Variants in KDM5B observed in about 807,000 individuals in gnomAD.
The protein encoded by KDM5B is lysine demethylase 5B, also known as lysine-specific demethylase 5B.
Under a neutral mutation model 193.4 loss-of-function variants are expected in KDM5B, and 144 were observed. The ratio of observed to expected loss-of-function variants is 0.74; its 90% CI spans 0.65 to 0.86. The LOEUF is 0.86. KDM5B is among the 40% of genes least tolerant of loss of function. The pLI is 0.00. For missense variants in KDM5B, 1,833 were observed against 1,886.9 expected (o/e 0.97, Z 0.53); for synonymous variants, 668 against 682.6 (o/e 0.98, Z 0.33).
chr1:202,734,421 A>T (rs1209582949), intron 22 of KDM5B, among the ~76,000 whole-genome samples: 1 of 152,136 alleles, frequency 6.6e-6, no homozygotes, highest in Admixed American at 6.6e-5. Context: ...TTATATGATA[A>T]CAAGGTAACT....
chr1:202,806,473 A>AT (rs1658297842), intron 1 of KDM5B: 1 of 152,252 alleles, frequency 6.6e-6, no homozygotes, highest in South Asian at 2.1e-4. Context: ...TCTTTGCACT[A>AT]AGAGAAACGT....
At chr1:202,768,646 T>C (rs961087797) in intron 4 of KDM5B, among the ~76,000 whole-genome samples, 1 of 152,012 alleles carries the variant, frequency 6.6e-6, no homozygotes, top group Admixed American at 6.6e-5. Flanking sequence ...AATAGCGCTC[T>C]ATAAATATTA....
rs1178930878 is a variant in KDM5B at position 202,746,245 on chromosome 1, A to G, written c.2095T>C (p.Cys699Arg). 2 of 1,613,730 alleles carry G rather than the reference A, an allele frequency of 1.2e-6. No individual in the cohort carries two copies. Among genetic ancestry groups the G allele is most frequent in the Non-Finnish European group, 8.5e-7 (1 of 1,179,740 alleles). ...GAACAGGAGATGGCAGACATGAAGC[A>G]TGTAGTTTTGCATTTTACACACTGA... ...ERQCVKCKTT[C>R]FMSAISCSCK... The change falls in exon 15 of 27, where the codon TGC becomes CGC. Residue 699 changes from cysteine (C) to arginine (R), a missense_variant. Transcript: ENST00000367265.
chr1:202,765,921 T>A (rs1166723621), intron 5 of KDM5B, among the ~76,000 whole-genome samples: 8 of 152,170 alleles, frequency 5.3e-5, no homozygotes, highest in Non-Finnish European at 1.2e-4. Flanking sequence ...ATACCTCTGG[T>A]ATGGGAACGA....
chr1:202,735,914 C>A (rs548891342), intron 21 of KDM5B, among the ~76,000 whole-genome samples: 1 of 152,220 alleles, frequency 6.6e-6, no homozygotes, highest in Non-Finnish European at 1.5e-5. Flanking sequence ...GATCATTTAT[C>A]AGGCTTACTA....
At chr1:202,776,260 TA>T (rs1656951350) in intron 2 of KDM5B, 1 of 151,820 alleles carries the variant, frequency 6.6e-6, no homozygotes, top group African/African-American at 2.4e-5. Context: ...TTGACTTTTT[TA>T]AAAAATTTAA....
chr1:202,753,664 G>GT (rs771281999), intron 11 of KDM5B, among the ~76,000 whole-genome samples: 12,787 of 105,650 alleles, frequency 0.12, 1,082 homozygotes, highest in Middle Eastern at 0.19. Flanking sequence ...TGTTGTTGTT[G>GT]TTTTTTTTTT....
Position 202,741,481 on chromosome 1 carries a change from A to G in KDM5B, c.2831T>C (p.Leu944Pro). 1 of 1,614,152 alleles carries G rather than the reference A, an allele frequency of 6.2e-7. No individual in the cohort carries two copies. The highest frequency in any genetic ancestry group is 8.5e-7 in the Non-Finnish European group (1 of 1,179,974). Residue 944 changes from leucine to proline, a missense_variant, in exon 19 of 27, where the codon CTA becomes CCA. By Grantham distance (98) the Leu-to-Pro change is moderately conservative (BLOSUM62 -3). Around this residue, in one of 3 missense-constraint regions of KDM5B, gnomAD observed 1,379 missense variants for 1,349.6 expected, o/e 1.02. Coordinates refer to ENST00000367265, the MANE Select transcript of KDM5B (RefSeq NM_006618.5). ...TLDDMRRLID[L>P]GVGLAPYSAV... is the part of the protein sequence containing the mutation. ...TGAATACGGGGCCAGCCCTACCCCT[A>G]GGTCTATGAGACGTCTCATATCATC...
chr1:202,734,880 G>A (rs374844106), intron 22 of KDM5B, among the ~76,000 whole-genome samples: 5 of 152,210 alleles, frequency 3.3e-5, no homozygotes, highest in South Asian at 4.1e-4. Context: ...ACTCTAGAAC[G>A]GGCAATGCTT....
intron 1 of KDM5B, among the ~76,000 whole-genome samples, chr1:202,803,562 G>A (rs536483306): frequency 3.3e-5 from 5 of 151,786 alleles, no homozygotes; most frequent in East Asian, 2.0e-4. Flanking sequence ...GGTGGCTCAC[G>A]TCTGTAATCC....
At chr1:202,784,631 T>G (rs1383874106) in intron 1 of KDM5B, among the ~76,000 whole-genome samples, 1 of 152,070 alleles carries the variant, frequency 6.6e-6, no homozygotes, top group Non-Finnish European at 1.5e-5. Flanking sequence ...CATTATAAAC[T>G]CCTATAAAAG....
intron 1 of KDM5B, among the ~76,000 whole-genome samples, chr1:202,783,749 C>A (rs1345994994): frequency 2.0e-5 from 3 of 151,904 alleles, no homozygotes; most frequent in Non-Finnish European, 4.4e-5. Flanking sequence ...GGCGTGGTGG[C>A]GGGCGCCTGT....
chr1:202,741,542 G>GCA lies in KDM5B; in HGVS notation c.2768_2769dup (p.Gln924CysfsTer6). 1 of 1,614,216 alleles carries GCA rather than the reference G, an allele frequency of 6.2e-7. No homozygotes were observed. The highest frequency in any genetic ancestry group is 8.5e-7 in the Non-Finnish European group (1 of 1,180,036). On this transcript the variant is annotated frameshift_variant, in exon 19 of 27. Coordinates refer to ENST00000367265, the MANE Select transcript of KDM5B (RefSeq NM_006618.5). LOFTEE classifies it high-confidence loss of function. ...GAGCTGGGGTCTAGGCAAGCTTGCT[G>GCA]CACCTCTTCTAGCCAACGGGCTTGT...
intron 1 of KDM5B, among the ~76,000 whole-genome samples, chr1:202,802,955 C>T (rs533331104): frequency 6.6e-6 from 1 of 152,140 alleles, no homozygotes; most frequent in Non-Finnish European, 1.5e-5. Flanking sequence ...TGCCTGTAAT[C>T]CCAGCACTTT....
At chr1:202,732,442 A>G (rs886350913) in intron 23 of KDM5B, among the ~76,000 whole-genome samples, 7 of 152,194 alleles carry the variant, frequency 4.6e-5, no homozygotes, top group Non-Finnish European at 1.0e-4. Flanking sequence ...CTTTACTAAG[A>G]AAGGTAAACT....
intron 1 of KDM5B, among the ~76,000 whole-genome samples, chr1:202,791,927 C>T (rs1657657497): frequency 6.6e-6 from 1 of 152,090 alleles, no homozygotes; most frequent in African/African-American, 2.4e-5. Flanking sequence ...CCATATTGGC[C>T]ATGCTGGTCT....
intron 1 of KDM5B, among the ~76,000 whole-genome samples, chr1:202,803,898 G>T (rs1658180385): frequency 7.1e-6 from 1 of 140,246 alleles, no homozygotes; most frequent in Admixed American, 8.1e-5. Context: ...TTTCTCCTGG[G>T]CATTATAGTC....
intron 8 of KDM5B, among the ~76,000 whole-genome samples, chr1:202,759,730 T>C (rs1656166469): frequency 1.3e-5 from 2 of 152,108 alleles, no homozygotes; most frequent in African/African-American, 4.8e-5. Flanking sequence ...TTGTTTAAAA[T>C]AGAAAAAAGT....
rs764555349 is a variant in KDM5B, at chr1:202,724,528, A to C, written c.*4508T>G. 10 of 152,216 alleles carry C rather than the reference A, an allele frequency of 6.6e-5. No homozygotes were observed. The highest frequency in any genetic ancestry group is 1.4e-4 in the African/African-American group (6 of 41,454). 9.4% of individuals were successfully genotyped at this position (152,216 alleles called of 1,614,324 possible). A position where few individuals can be genotyped will look rare whatever the true frequency, so the allele number is the denominator to read the frequency against. ...TTCAAATTCTTTATGCATTTTAAAG[A>C]AGCTCAATCAAGCTCACATCATAGA... On this transcript the variant is annotated 3_prime_UTR_variant, in exon 27 of 27. Coordinates refer to ENST00000367265, the MANE Select transcript of KDM5B (RefSeq NM_006618.5).
Sources: allele counts gnomAD v4.1 joint callset (sites outside exome capture counted in the v4.1 genomes callset), GRCh38; gene constraint gnomAD v4.1.1; regional missense constraint gnomAD v4.1.1; transcripts MANE v1.5; gene names NCBI Gene and HGNC (gene_info 2026-07-23, HGNC 2026-07-21).